KLHL13: variants seen among roughly 807,000 people sequenced by gnomAD.
The protein encoded by KLHL13 is kelch-like protein 13.
A neutral mutation model predicts 37.1 loss-of-function variants in KLHL13; 10 were observed. The ratio of observed to expected loss-of-function variants is 0.27; its 90% CI spans 0.17 to 0.46. The LOEUF is 0.46. KLHL13 is among the 20% of genes least tolerant of loss of function. The probability of loss-of-function intolerance (pLI) is 1.00; values close to 1 mark genes in which losing one functional copy is unlikely to be tolerated. For missense variants in KLHL13, 360 were observed against 509.3 expected (o/e 0.71, Z 2.82); for synonymous variants, 163 against 181.2 (o/e 0.90, Z 0.81).
intron 1 of KLHL13, among the ~76,000 whole-genome samples, chrX:117,984,663 T>C (rs929314423): frequency 3.2e-4 from 36 of 111,559 alleles, no homozygotes; most frequent in Non-Finnish European, 6.6e-4. Context: ...GAAAGTATAC[T>C]TTTAAAATGC....
At chrX:117,978,118 G>C (rs1453579237), upstream of KLHL13, among the ~76,000 whole-genome samples, 1 of 112,345 alleles carries the variant, frequency 8.9e-6, no homozygotes, top group African/African-American at 3.2e-5. Context: ...TAACAGAACT[G>C]TGTGAAACCT....
chrX:118,035,770 T>G (rs763145739), intron 1 of KLHL13, among the ~76,000 whole-genome samples: 3,118 of 105,662 alleles, frequency 0.03, 204 homozygotes, highest in African/African-American at 0.11. Flanking sequence ...AGGAAATAAA[T>G]GGTATTCAAT....
intron 1 of KLHL13, among the ~76,000 whole-genome samples, chrX:118,027,301 T>A (rs1316033359): frequency 1.8e-5 from 2 of 111,264 alleles, no homozygotes; most frequent in African/African-American, 6.5e-5. Flanking sequence ...AGCACCCATC[T>A]TACAGTACTA....
intron 1 of KLHL13, among the ~76,000 whole-genome samples, chrX:118,083,784 G>T (rs1569312150): frequency 1.8e-5 from 2 of 111,349 alleles, no homozygotes; most frequent in East Asian, 5.6e-4. Flanking sequence ...ACCCTGATTT[G>T]ATCATTACAT....
At chrX:118,008,530 A>C (rs2054013841) in intron 1 of KLHL13, among the ~76,000 whole-genome samples, 1 of 112,067 alleles carries the variant, frequency 8.9e-6, no homozygotes, top group Admixed American at 9.5e-5. Context: ...GGGACACCTA[A>C]TTCTGCTAGG....
upstream of KLHL13, among the ~76,000 whole-genome samples, chrX:117,976,436 C>T (rs1347372396): frequency 8.9e-6 from 1 of 111,935 alleles, no homozygotes; most frequent in African/African-American, 3.2e-5. Flanking sequence ...TTGGCAGCAT[C>T]CAAACAAATC....
chrX:117,976,356 T>C (rs2053597611), upstream of KLHL13, among the ~76,000 whole-genome samples: 1 of 112,101 alleles, frequency 8.9e-6, no homozygotes, highest in African/African-American at 3.2e-5. Flanking sequence ...ATTAATTCAC[T>C]TAACAACACT....
rs371821504 is a variant in KLHL13 at position 118,013,108 on chromosome X, AAACAAGTTG to A, written c.-55-67542_-55-67534del. On this transcript the variant is annotated intron_variant, in intron 1 of 6. Transcript: ENST00000371882. The stretch of plus-strand genomic sequence containing the variant: ...TTGTAGGTGCTGCGATTAAAGCAGT[AAACAAGTTG>A]AACAAGATGCCTGGCCTCTTGGAGC... Among the ~76,000 whole-genome samples, 159 of 112,412 alleles carry A rather than the reference AAACAAGTTG, an allele frequency of 1.4e-3. 2 individuals carry two copies. The highest frequency in any genetic ancestry group is 5.0e-3 in the African/African-American group (154 of 30,972).
At chrX:118,049,887 C>G (rs2054595685) in intron 1 of KLHL13, among the ~76,000 whole-genome samples, 1 of 111,749 alleles carries the variant, frequency 8.9e-6, no homozygotes, top group Non-Finnish European at 1.9e-5. Flanking sequence ...GAGTGGCTGA[C>G]ACACTCTTCT....
chrX:117,953,853 T>C (rs1933769663), intron 1 of KLHL13, among the ~76,000 whole-genome samples: 1 of 111,978 alleles, frequency 8.9e-6, no homozygotes, highest in Non-Finnish European at 1.9e-5. Flanking sequence ...ATCACTTACT[T>C]TTACCATTCT....
At chrX:118,085,474 T>C (rs1370042163) in intron 1 of KLHL13, among the ~76,000 whole-genome samples, 1 of 110,131 alleles carries the variant, frequency 9.1e-6, no homozygotes, top group Non-Finnish European at 1.9e-5. Context: ...CAAGTGGCTT[T>C]TGGTTACATG....
Position 117,970,045 on chromosome X carries a change from A to C in KLHL13, c.98+2686T>G, listed in dbSNP as rs1263949031. On this transcript the variant is annotated intron_variant, in intron 1 of 6. Transcript: ENST00000262820. ...ACAGCAGTACTGCCCTATCTGTAGCATCAATGGAAGAGCTACAGCAAAGCA... is the reference window on the plus strand; with the variant it reads ...ACAGCAGTACTGCCCTATCTGTAGCCTCAATGGAAGAGCTACAGCAAAGCA... 3.6e-5 allele frequency among the ~76,000 whole-genome samples: 4 copies of C among 111,843 alleles called. No individual in the cohort carries two copies. In the East Asian group the frequency reaches 1.1e-3, roughly 31 times the overall value.
Position 117,922,603 on chromosome X carries a change from T to C in KLHL13, c.241-2233A>G, listed in dbSNP as rs181995789. On this transcript the variant is annotated intron_variant, in intron 2 of 6. Coordinates refer to ENST00000262820, the Ensembl canonical transcript of KLHL13. ...AAACCTCTCCCAATAATAAAATGAG[T>C]TGTGCTTAAAGTGTTCGTTTGTGTT... 2.7e-5 allele frequency among the ~76,000 whole-genome samples: 3 copies of C among 111,261 alleles called. No individual in the cohort carries two copies. The East Asian group carries it at 8.5e-4, about 32-fold the overall frequency.
At chrX:118,005,430 C>A (rs1008491398) in intron 1 of KLHL13, among the ~76,000 whole-genome samples, 26 of 111,533 alleles carry the variant, frequency 2.3e-4, no homozygotes, top group African/African-American at 8.5e-4. Context: ...AATAATGGGT[C>A]CCCAAAGATG....
chrX:117,930,338 AAGGCAGGCAGGC>A (rs1196852934), intron 2 of KLHL13, among the ~76,000 whole-genome samples: 4 of 103,667 alleles, frequency 3.9e-5, no homozygotes, highest in Non-Finnish European at 7.9e-5. Context: ...GGAAGGCAGG[AAGGCAGGCAGGC>A]AGGCAGGCAG....
At chrX:118,090,980 G>A (rs2055126611) in intron 1 of KLHL13, among the ~76,000 whole-genome samples, 1 of 107,235 alleles carries the variant, frequency 9.3e-6, no homozygotes, top group African/African-American at 3.4e-5. Context: ...CCTTTGTAGG[G>A]ACATGGATGA....
chrX:117,944,643 T>C lies in KLHL13; in HGVS notation c.240+791A>G, dbSNP rs148664493. 2.9e-3 allele frequency among the ~76,000 whole-genome samples: 327 copies of C among 111,529 alleles called. 1 individual carries two copies. The East Asian group carries it at 0.049, about 17-fold the overall frequency. ...TGCATTTAGAAAGGCAAATTTTCCTTATCTTATTAAGGGTAGTAAGAGGAC... is the reference window on the plus strand; with the variant it reads ...TGCATTTAGAAAGGCAAATTTTCCTCATCTTATTAAGGGTAGTAAGAGGAC... On this transcript the variant is annotated intron_variant, in intron 2 of 6. Coordinates refer to ENST00000262820, the Ensembl canonical transcript of KLHL13.
At chrX:118,051,393 T>C (rs1353165686) in intron 1 of KLHL13, among the ~76,000 whole-genome samples, 3 of 108,221 alleles carry the variant, frequency 2.8e-5, no homozygotes, top group Non-Finnish European at 3.8e-5. Context: ...ACAAAAAAAT[T>C]GGCCGGGCGT....
At chrX:117,977,961 CCTTT>C (rs2147917918), upstream of KLHL13, among the ~76,000 whole-genome samples, 1 of 111,953 alleles carries the variant, frequency 8.9e-6, no homozygotes, top group South Asian at 3.7e-4. Context: ...ATGTGTGTCT[CCTTT>C]ATTTGTTTCA....
Sources: allele counts gnomAD v4.1 joint callset (sites outside exome capture counted in the v4.1 genomes callset), GRCh38; gene constraint gnomAD v4.1.1; transcripts MANE v1.5; gene names NCBI Gene and HGNC (gene_info 2026-07-23, HGNC 2026-07-21).